The following IFT81 variants were observed in gnomAD, a reference collection of about 807,000 sequenced individuals.
IFT81 encodes intraflagellar transport protein 81 homolog.
Under a neutral mutation model 102.6 loss-of-function variants are expected in IFT81, and 72 were observed. That is an observed-to-expected ratio of 0.70 (90% CI 0.58 to 0.85). The LOEUF is 0.85. Ranked by LOEUF, IFT81 falls within the 40% of genes least tolerant of loss-of-function variation. The pLI is 0.00. For missense variants in IFT81, 723 were observed against 787.3 expected, an observed-to-expected ratio of 0.92 and a Z score of 0.98; for synonymous variants, 237 against 242.7, an observed-to-expected ratio of 0.98 and a Z score of 0.22.
intron 1 of IFT81, 56 bp from the exon 2 acceptor site, chr12:110,127,304 A>G: frequency 1.5e-6 from 2 of 1,375,368 alleles, no homozygotes; most frequent in Non-Finnish European, 1.9e-6. Flanking sequence ...TCTGGTTTTT[A>G]CCCAGGACTT....
rs997085262 is a variant in IFT81, at chr12:110,192,823, T to C, written c.1557+117T>C. 5.6e-5 allele frequency: 33 copies of C among 590,604 alleles called. No homozygotes were observed. In the South Asian group the frequency reaches 6.9e-4, roughly 12 times the overall value. 36.6% of individuals were successfully genotyped at this position (590,604 alleles called of 1,614,324 possible). On this transcript the variant is annotated intron_variant, in intron 14 of 18. Coordinates refer to ENST00000242591, the MANE Select transcript of IFT81 (RefSeq NM_014055.4). ...TACTTGGGTAATATAGAAAACAAAT[T>C]ATCATTATTACGTTATTGATACAAT...
At position 110,135,866 on chromosome 12, in the gene IFT81, GAA is replaced by G. The variant is rs199705020; in HGVS notation, c.696+447_696+448del. On this transcript the variant is annotated intron_variant, in intron 7 of 18. Coordinates refer to ENST00000242591, the MANE Select transcript of IFT81 (RefSeq NM_014055.4). ...TAGGCAACAGAGTGAGACTTTGTCT[GAA>G]AAAAAAAAAAAAAAAAAGATAAATA... 9.7e-3 allele frequency among the ~76,000 whole-genome samples: 1,045 copies of G among 107,538 alleles called. 2 individuals carry two copies. The highest frequency in any genetic ancestry group is 0.013 in the Non-Finnish European group (659 of 52,008). 70.5% of individuals were successfully genotyped at this position (107,538 alleles called of 152,430 possible).
intron 2 of IFT81, 35 bp downstream of exon 2, chr12:110,127,559 G>A (rs1893923377): frequency 6.5e-7 from 1 of 1,549,102 alleles, no homozygotes; most frequent in Non-Finnish European, 8.7e-7. Flanking sequence ...ATGGGTAGCA[G>A]AAAGCCAATT....
At chr12:110,172,559 G>A (rs1008159931) in intron 11 of IFT81, among the ~76,000 whole-genome samples, 2 of 152,068 alleles carry the variant, frequency 1.3e-5, no homozygotes, top group Admixed American at 6.5e-5. Context: ...ACTGGTTTTC[G>A]TATTTTTTTG....
chr12:110,217,466 T>C (rs1870279093), intron 18 of IFT81, among the ~76,000 whole-genome samples: 1 of 152,332 alleles, frequency 6.6e-6, no homozygotes, highest in Non-Finnish European at 1.5e-5. Flanking sequence ...CTCTACATTC[T>C]TCTTTTCACA....
intron 11 of IFT81, among the ~76,000 whole-genome samples, chr12:110,174,868 A>T (rs1896971987): frequency 6.6e-6 from 1 of 152,246 alleles, no homozygotes; most frequent in African/African-American, 2.4e-5. Context: ...CTGAAGCCAG[A>T]AGCTAGCACT....
chr12:110,216,860 A>AT (rs755407602), intron 18 of IFT81: 35 of 298,786 alleles, frequency 1.2e-4, no homozygotes, highest in Non-Finnish European at 2.1e-4. Context: ...TCTTGAATAA[A>AT]TAAGTATTAG....
Position 110,129,002 on chromosome 12 carries a change from G to C in IFT81, c.301G>C (p.Val101Leu). Residue 101 changes from valine to leucine, a missense_variant, in exon 4 of 19, where the codon GTG becomes CTG. Coordinates refer to ENST00000242591, the MANE Select transcript of IFT81 (RefSeq NM_014055.4). ...TGGAAGTAAACCTGTAATTTACCCA[G>C]TGCTCCACTGGCTTCTTCAGAGGAC... ...VIGSKPVIYPVLHWLLQRTNE... is the reference protein window; with the variant it reads ...VIGSKPVIYPLLHWLLQRTNE... The C allele has an allele frequency of 6.2e-7, 1 of 1,613,282 alleles. No homozygotes were observed. The highest frequency in any genetic ancestry group is 8.5e-7 in the Non-Finnish European group (1 of 1,179,730).
At chr12:110,196,039 G>A (rs868202012) in intron 14 of IFT81, among the ~76,000 whole-genome samples, 6 of 152,142 alleles carry the variant, frequency 3.9e-5, no homozygotes, top group Admixed American at 6.6e-5. Context: ...TTATAAAAGC[G>A]GTGTTCTAAA....
intron 17 of IFT81, among the ~76,000 whole-genome samples, chr12:110,208,657 C>T (rs1869004587): frequency 6.6e-6 from 1 of 152,108 alleles, no homozygotes; most frequent in Non-Finnish European, 1.5e-5. Flanking sequence ...AAACATTTTC[C>T]CATCTATAGA....
At chr12:110,190,168 T>C (rs1177435153) in intron 12 of IFT81, among the ~76,000 whole-genome samples, 1 of 152,170 alleles carries the variant, frequency 6.6e-6, no homozygotes. Context: ...ATACAACTTA[T>C]TATCTAAAGT....
At chr12:110,204,274 C>T (rs1898452959) in intron 15 of IFT81, 1 of 228,246 alleles carries the variant, frequency 4.4e-6, no homozygotes, top group Non-Finnish European at 8.7e-6. Context: ...CCATCTGTAC[C>T]ACTCCCAGCA....
chr12:110,151,109 C>A (rs886835680), intron 10 of IFT81, among the ~76,000 whole-genome samples: 11 of 152,070 alleles, frequency 7.2e-5, no homozygotes, highest in African/African-American at 2.7e-4. Context: ...GCAACCATCA[C>A]CACAATCAAT....
chr12:110,158,789 C>T (rs1194006804), intron 10 of IFT81, among the ~76,000 whole-genome samples: 1 of 152,058 alleles, frequency 6.6e-6, no homozygotes, highest in Non-Finnish European at 1.5e-5. Context: ...CAGGGTTTCA[C>T]CTGTTAGCCA....
chr12:110,171,450 C>T (rs571563022), intron 11 of IFT81, among the ~76,000 whole-genome samples: 17 of 152,250 alleles, frequency 1.1e-4, no homozygotes, highest in Middle Eastern at 6.8e-3. Flanking sequence ...CAGATTTCTA[C>T]CCGCATATAT....
intron 11 of IFT81, 74 bp downstream of exon 11, chr12:110,163,139 C>G: frequency 8.5e-7 from 1 of 1,180,198 alleles, no homozygotes; most frequent in Non-Finnish European, 1.2e-6. Context: ...GTTTGACTTT[C>G]TTAGTGTGAA....
chr12:110,128,786 CAAAAAA>C (rs59756924), intron 3 of IFT81, among the ~76,000 whole-genome samples, 158 bp from the exon 4 acceptor site: 1 of 68,762 alleles, frequency 1.5e-5, no homozygotes. Context: ...GACCCTGTCT[CAAAAAA>C]AAAAAAAAAA....
intron 18 of IFT81, among the ~76,000 whole-genome samples, chr12:110,215,532 G>A (rs1240283825): frequency 8.3e-6 from 1 of 120,774 alleles, no homozygotes; most frequent in Non-Finnish European, 1.6e-5. Flanking sequence ...CATGGTCACA[G>A]CTCACTGCAG....
intron 11 of IFT81, among the ~76,000 whole-genome samples, chr12:110,165,119 GA>G (rs951211194): frequency 2.2e-4 from 34 of 151,802 alleles, no homozygotes; most frequent in African/African-American, 7.7e-4. Flanking sequence ...TTTTTAAGGG[GA>G]AAAAGATGTC....
Sources: gnomAD v4.1 joint callset for allele counts (sites outside exome capture counted in the v4.1 genomes callset) on GRCh38, gnomAD v4.1.1 for gene constraint, MANE v1.5 for transcripts, NCBI Gene and HGNC (gene_info 2026-07-23, HGNC 2026-07-21) for gene names.